ISY1: variants seen among roughly 807,000 people sequenced by gnomAD.
ISY1 encodes ISY1 spliceosome associated protein.
In ISY1, 12 loss-of-function variants were observed where a neutral mutation model predicts 54.4. The observed-to-expected ratio is 0.22, with a 90% confidence interval of 0.14 to 0.36. ISY1 has a LOEUF of 0.36. ISY1 is among the 10% of genes least tolerant of loss of function. ISY1 has a pLI of 1.00. For synonymous variants in ISY1, 96 were observed against 117.9 expected, an observed-to-expected ratio of 0.81 and a Z score of 1.20; for missense variants, 282 against 342.2, an observed-to-expected ratio of 0.82 and a Z score of 1.39.
Position 129,130,603 on chromosome 3 carries a change from C to T in ISY1, c.697G>A (p.Asp233Asn), listed in dbSNP as rs1206470712. 2.5e-6 allele frequency: 4 copies of T among 1,614,048 alleles called. No individual in the cohort carries two copies. The African/African-American group carries it at 5.3e-5, about 22-fold the overall frequency. Residue 233 changes from aspartate to asparagine, a missense_variant, in exon 10 of 11, where the codon GAC becomes AAC. This residue lies in a region of ISY1 where 279 missense variants were observed against 323.6 expected (regional missense o/e 0.86). Coordinates refer to ENST00000393295, the MANE Select transcript of ISY1 (RefSeq NM_020701.4). Reference sequence around the variant, plus strand: ...GCAATGAACTTCTGCTGGCTGTCGTCCCCTCCTTTCTCCTGGCTGCCTTCC... The same window carrying T: ...GCAATGAACTTCTGCTGGCTGTCGTTCCCTCCTTTCTCCTGGCTGCCTTCC... ...DEEGSQEKGG[D>N]DSQQKFIAHV...
At chr3:129,131,857 T>G (rs917364934) in intron 9 of ISY1, among the ~76,000 whole-genome samples, 2 of 152,106 alleles carry the variant, frequency 1.3e-5, no homozygotes, top group Non-Finnish European at 2.9e-5. Context: ...ATCTTTGTAG[T>G]AAGGGGACAG....
rs1936149668 is a variant in ISY1, at chr3:129,128,487, A to C, written c.*1594T>G. On this transcript the variant is annotated 3_prime_UTR_variant, in exon 11 of 11. Coordinates refer to ENST00000393295, the MANE Select transcript of ISY1 (RefSeq NM_020701.4). ...TGCCTGGGCCTCTCCTTGTGGCCGC[A>C]CGGAGCGTCCTCAAGCAAGTCCCTT... 6.6e-6 allele frequency: 1 copy of C among 152,436 alleles called. No individual in the cohort carries two copies. Among genetic ancestry groups the C allele is most frequent in the African/African-American group, 2.4e-5 (1 of 41,348 alleles). The allele number at this position is 152,436 out of a possible 1,614,324, so 9.4% of individuals were successfully genotyped here.
chr3:129,143,168 G>A (rs1011245120), intron 6 of ISY1, among the ~76,000 whole-genome samples: 2 of 151,784 alleles, frequency 1.3e-5, no homozygotes, highest in African/African-American at 2.4e-5. Context: ...AGCCATGATC[G>A]TGCCACTGCA....
chr3:129,145,082 T>A (rs930290045), intron 6 of ISY1, among the ~76,000 whole-genome samples: 2 of 152,266 alleles, frequency 1.3e-5, no homozygotes, highest in Middle Eastern at 3.4e-3. Context: ...AGCTGATTTT[T>A]AAATATTTTG....
At chr3:129,154,329 T>C (rs1030495741) in intron 5 of ISY1, among the ~76,000 whole-genome samples, 8 of 147,016 alleles carry the variant, frequency 5.4e-5, no homozygotes, top group Non-Finnish European at 1.2e-4. Flanking sequence ...GCAGGAGAAA[T>C]TGCTTGAACC....
At chr3:129,145,650 T>A (rs1051878715) in intron 6 of ISY1, 111 bp downstream of exon 6, 1 of 993,448 alleles carries the variant, frequency 1.0e-6, no homozygotes, top group Non-Finnish European at 1.5e-6. Flanking sequence ...ATCCTACCCA[T>A]CCTGTTCATA....
intron 3 of ISY1, among the ~76,000 whole-genome samples, chr3:129,158,087 GT>G (rs1371538721): frequency 2.0e-5 from 3 of 151,476 alleles, no homozygotes; most frequent in Non-Finnish European, 4.4e-5. Flanking sequence ...TCAAACTCCT[GT>G]CCTCAAGTGA....
chr3:129,140,306 T>C, intron 7 of ISY1, 62 bp downstream of exon 7: 2 of 1,444,204 alleles, frequency 1.4e-6, no homozygotes, highest in Non-Finnish European at 1.9e-6. Context: ...AGTTAGCATA[T>C]AGCATATCTA....
intron 5 of ISY1, among the ~76,000 whole-genome samples, chr3:129,147,074 T>C (rs1280546338): frequency 3.3e-5 from 4 of 121,202 alleles, no homozygotes; most frequent in African/African-American, 1.3e-4. Context: ...AAAAAAAAAG[T>C]CAAGTAAGAA....
intron 5 of ISY1, among the ~76,000 whole-genome samples, chr3:129,147,377 A>G (rs1197547017): frequency 6.6e-6 from 1 of 152,114 alleles, no homozygotes; most frequent in Non-Finnish European, 1.5e-5. Flanking sequence ...ACTGTCTCAC[A>G]AAAAATAAAA....
chr3:129,144,710 G>A (rs1376868425), intron 6 of ISY1, among the ~76,000 whole-genome samples: 1 of 152,020 alleles, frequency 6.6e-6, no homozygotes, highest in Non-Finnish European at 1.5e-5. Flanking sequence ...GTGCTGGCTT[G>A]TGATTGTGTG....
intron 6 of ISY1, among the ~76,000 whole-genome samples, chr3:129,141,712 C>T (rs1021041785): frequency 4.0e-5 from 6 of 151,570 alleles, no homozygotes. Flanking sequence ...TGATATCACA[C>T]CACTGCACTC....
chr3:129,135,019 T>A (rs1478877772), intron 7 of ISY1, 65 bp from the exon 8 acceptor site: 33 of 1,535,362 alleles, frequency 2.1e-5, no homozygotes, highest in Non-Finnish European at 2.5e-5. Context: ...AGCTGTCTCC[T>A]GATGCAACGC....
At chr3:129,137,253 T>C (rs1417776755) in intron 7 of ISY1, 1 of 984,896 alleles carries the variant, frequency 1.0e-6, no homozygotes, top group Non-Finnish European at 1.2e-6. Context: ...CAGATAATAA[T>C]GGTTATCAGT....
chr3:129,156,216 G>C (rs1315909366), intron 5 of ISY1, among the ~76,000 whole-genome samples: 1 of 151,784 alleles, frequency 6.6e-6, no homozygotes. Context: ...GGCTAACATG[G>C]TGAAACCCTG....
intron 8 of ISY1, 147 bp downstream of exon 8, chr3:129,134,685 G>T: frequency 8.5e-7 from 1 of 1,183,116 alleles, no homozygotes; most frequent in Non-Finnish European, 1.1e-6. Flanking sequence ...ACAGGGGTCA[G>T]GGAATTAGCA....
intron 5 of ISY1, among the ~76,000 whole-genome samples, chr3:129,147,940 ATTTT>A (rs541481567): frequency 4.0e-5 from 6 of 151,590 alleles, no homozygotes; most frequent in South Asian, 4.2e-4. Flanking sequence ...TGTTTTATTT[ATTTT>A]TTTTATTTTT....
chr3:129,149,733 G>C (rs1223947604), intron 5 of ISY1, among the ~76,000 whole-genome samples: 1 of 130,102 alleles, frequency 7.7e-6, no homozygotes, highest in African/African-American at 2.9e-5. Context: ...TGGAGGCAGT[G>C]AGCCAAGATC....
intron 6 of ISY1, 33 bp downstream of exon 6, chr3:129,145,728 C>T (rs759452272): frequency 4.6e-5 from 74 of 1,605,518 alleles, no homozygotes; most frequent in Non-Finnish European, 6.1e-5. Flanking sequence ...GAAAACTAGA[C>T]AAGACCCGCC....
Sources: gnomAD v4.1 joint callset for allele counts (sites outside exome capture counted in the v4.1 genomes callset) on GRCh38, gnomAD v4.1.1 for gene constraint, gnomAD v4.1.1 regional missense constraint, MANE v1.5 for transcripts, NCBI Gene and HGNC (gene_info 2026-07-23, HGNC 2026-07-21) for gene names.